The following DPYD variants were observed in gnomAD, a reference collection of about 807,000 sequenced individuals.
The protein encoded by DPYD is dihydropyrimidine dehydrogenase [NADP(+)].
A neutral mutation model predicts 116.2 loss-of-function variants in DPYD; 109 were observed. The observed-to-expected ratio is 0.94, with a 90% CI of 0.80 to 1.10. DPYD has a LOEUF of 1.10. Among genes scored for constraint, DPYD ranks in the 50% least tolerant of loss-of-function variants. DPYD has a pLI of 0.00. For synonymous variants in DPYD, 440 were observed against 432.0 expected, an observed-to-expected ratio of 1.02 and a Z score of -0.23; for missense variants, 1,302 against 1,254.5, an observed-to-expected ratio of 1.04 and a Z score of -0.57.
chr1:97,213,104 A>ATG (rs1331946990), intron 19 of DPYD, among the ~76,000 whole-genome samples: 1 of 152,066 alleles, frequency 6.6e-6, no homozygotes, highest in Non-Finnish European at 1.5e-5. Flanking sequence ...TCTTGAATAA[A>ATG]AGCACCAATC....
intron 1 of DPYD, among the ~76,000 whole-genome samples, chr1:97,893,762 T>C (rs1040951680): frequency 1.7e-4 from 26 of 151,626 alleles, no homozygotes; most frequent in African/African-American, 6.0e-4. Flanking sequence ...CTCAACAAGG[T>C]AAGGTGAGCC....
At chr1:97,530,264 C>T (rs1376766854) in intron 12 of DPYD, among the ~76,000 whole-genome samples, 18 of 135,602 alleles carry the variant, frequency 1.3e-4, no homozygotes, top group Non-Finnish European at 2.0e-4. Flanking sequence ...GTCACCCAGG[C>T]TGGAGTGCAG....
chr1:97,164,294 T>C (rs1435877188), intron 20 of DPYD, among the ~76,000 whole-genome samples: 1 of 152,096 alleles, frequency 6.6e-6, no homozygotes, highest in Non-Finnish European at 1.5e-5. Context: ...ATAAGATCCA[T>C]ATATGACAAA....
At chr1:97,393,466 C>A (rs1452734140) in intron 14 of DPYD, among the ~76,000 whole-genome samples, 2 of 151,748 alleles carry the variant, frequency 1.3e-5, no homozygotes, top group Non-Finnish European at 2.9e-5. Flanking sequence ...ACAACAGGCC[C>A]CGGTGTGTGA....
intron 20 of DPYD, among the ~76,000 whole-genome samples, chr1:97,121,624 G>C (rs2101646324): frequency 6.6e-6 from 1 of 152,268 alleles, no homozygotes; most frequent in East Asian, 1.9e-4. Context: ...CTGTTGGAAA[G>C]AAAACCACCT....
intron 2 of DPYD, among the ~76,000 whole-genome samples, chr1:97,854,575 A>G (rs954014051): frequency 3.3e-5 from 5 of 152,210 alleles, no homozygotes; most frequent in African/African-American, 1.2e-4. Flanking sequence ...TGTGTCAGAA[A>G]ACATTTTATC....
intron 16 of DPYD, among the ~76,000 whole-genome samples, chr1:97,362,803 C>T (rs557834887): frequency 6.6e-6 from 1 of 152,172 alleles, no homozygotes; most frequent in South Asian, 2.1e-4. Context: ...AAAATTAATT[C>T]AAGATGGATT....
At chr1:97,756,985 C>A (rs1665285634) in intron 3 of DPYD, among the ~76,000 whole-genome samples, 1 of 152,106 alleles carries the variant, frequency 6.6e-6, no homozygotes, top group Admixed American at 6.6e-5. Flanking sequence ...CTACCCCCCA[C>A]TCCTCCTAAA....
intron 2 of DPYD, among the ~76,000 whole-genome samples, chr1:97,876,230 C>T (rs1319589771): frequency 1.3e-5 from 2 of 151,962 alleles, no homozygotes; most frequent in African/African-American, 4.8e-5. Context: ...TCTGACTCAA[C>T]CTGGACATCC....
intron 2 of DPYD, among the ~76,000 whole-genome samples, chr1:97,832,045 TTGTGTGTGTGTGTGTGTGTGTGTG>T (rs35795641): frequency 6.0e-5 from 8 of 133,950 alleles, no homozygotes; most frequent in African/African-American, 2.2e-4. Flanking sequence ...ATATAATGTA[TTGTGTGTGTGTGTGTGTGTGTGTG>T]TGTGTGTGTG....
At chr1:97,551,605 T>C (rs1651327209) in intron 11 of DPYD, among the ~76,000 whole-genome samples, 1 of 151,892 alleles carries the variant, frequency 6.6e-6, no homozygotes, top group Admixed American at 6.6e-5. Context: ...ATCAAAGCAT[T>C]TTTTTTTACA....
chr1:97,902,756 G>T (rs10875119), intron 1 of DPYD, among the ~76,000 whole-genome samples: 148,244 of 151,912 alleles, frequency 0.98, 72,444 homozygotes, highest in Middle Eastern at 1. Context: ...TATTATTTTA[G>T]ACACAGAATA....
chr1:97,462,545 CCCT>C lies in DPYD; in HGVS notation c.1741-12325_1741-12323del, dbSNP rs369529261. Reference sequence around the variant, plus strand: ...GTGGGGCTGGACATGCCTCATTCTACCCTCCTCCTTTTGAAATTCAGGCATAAC... The same window carrying C: ...GTGGGGCTGGACATGCCTCATTCTACCCTCCTTTTGAAATTCAGGCATAAC... On this transcript the variant is annotated intron_variant, in intron 13 of 22. Transcript: ENST00000370192. 8.5e-5 allele frequency among the ~76,000 whole-genome samples: 13 copies of C among 152,202 alleles called. 3 individuals carry two copies. Among genetic ancestry groups the C allele is most frequent in the African/African-American group, 3.1e-4 (13 of 41,516 alleles).
chr1:97,249,257 G>A (rs116583800), intron 18 of DPYD, among the ~76,000 whole-genome samples: 3,536 of 151,888 alleles, frequency 0.023, 59 homozygotes, highest in Non-Finnish European at 0.037. Context: ...AAAGAGAACG[G>A]AGTCCTGATA....
chr1:97,684,283 C>A (rs1660591056), intron 7 of DPYD, among the ~76,000 whole-genome samples: 1 of 152,106 alleles, frequency 6.6e-6, no homozygotes. Context: ...GCCTTAATTT[C>A]ATTGTTTACC....
chr1:97,913,755 GATA>G (rs1246873258), intron 1 of DPYD, among the ~76,000 whole-genome samples: 1 of 151,984 alleles, frequency 6.6e-6, no homozygotes. Flanking sequence ...TAAGTTGGAG[GATA>G]AAGTTTTGGG....
intron 3 of DPYD, among the ~76,000 whole-genome samples, chr1:97,778,834 C>CA (rs934317638): frequency 1.1e-4 from 17 of 151,850 alleles, no homozygotes; most frequent in Non-Finnish European, 2.4e-4. Flanking sequence ...CAATTTTCCT[C>CA]AAAAAAAATC....
chr1:97,100,520 C>T (rs1388528403), intron 20 of DPYD, among the ~76,000 whole-genome samples: 3 of 152,060 alleles, frequency 2.0e-5, no homozygotes, highest in African/African-American at 7.2e-5. Context: ...GGTTAGCAGG[C>T]TCCATGAAAA....
intron 18 of DPYD, among the ~76,000 whole-genome samples, chr1:97,259,783 A>AATTTTC (rs1375764667): frequency 2.0e-5 from 3 of 152,116 alleles, no homozygotes; most frequent in African/African-American, 7.2e-5. Flanking sequence ...TCTTGCTTTC[A>AATTTTC]ATTTTCATCC....
Sources: gnomAD v4.1 joint callset for allele counts (sites outside exome capture counted in the v4.1 genomes callset) on GRCh38, gnomAD v4.1.1 for gene constraint, MANE v1.5 for transcripts, NCBI Gene and HGNC (gene_info 2026-07-23, HGNC 2026-07-21) for gene names.